The following ZMYND8 variants were observed in gnomAD, a reference collection of about 807,000 sequenced individuals.
ZMYND8 encodes MYND-type zinc finger-containing chromatin reader ZMYND8.
ZMYND8 carries 37 observed loss-of-function variants against 140.8 expected under a neutral mutation model. The observed-to-expected ratio is 0.26, with a 90% CI of 0.20 to 0.35. The LOEUF is 0.35. Ranked by LOEUF, ZMYND8 falls within the 10% of genes least tolerant of loss-of-function variation. The pLI, the probability that ZMYND8 is intolerant of heterozygous loss-of-function variation, is 1.00. For synonymous variants in ZMYND8, 592 were observed against 597.1 expected (o/e 0.99, Z 0.12); for missense variants, 1,068 against 1,570.0 (o/e 0.68, Z 5.40).
At chr20:47,254,471 G>A (rs927483842) in intron 12 of ZMYND8, among the ~76,000 whole-genome samples, 2 of 152,166 alleles carry the variant, frequency 1.3e-5, no homozygotes, top group Non-Finnish European at 1.5e-5. Flanking sequence ...TAAGTAAGGC[G>A]CCTGAATAAA....
intron 2 of ZMYND8, among the ~76,000 whole-genome samples, chr20:47,324,323 C>A (rs919572352): frequency 6.6e-6 from 1 of 151,902 alleles, no homozygotes; most frequent in African/African-American, 2.4e-5. Flanking sequence ...TCGAGACCAG[C>A]CAGGCCAACA....
intron 1 of ZMYND8, chr20:47,348,240 C>T (rs2082492298): frequency 2.7e-6 from 1 of 368,352 alleles, no homozygotes; most frequent in East Asian, 6.5e-5. Flanking sequence ...AGAACCCAGC[C>T]TTCAAATAAA....
intron 7 of ZMYND8, among the ~76,000 whole-genome samples, chr20:47,289,516 C>T (rs1054156428): frequency 6.6e-6 from 1 of 151,932 alleles, no homozygotes; most frequent in Non-Finnish European, 1.5e-5. Flanking sequence ...AGCAGGTTCA[C>T]AGCAGCTTAT....
intron 11 of ZMYND8, among the ~76,000 whole-genome samples, chr20:47,274,167 C>G (rs1310430609): frequency 6.6e-6 from 1 of 152,196 alleles, no homozygotes; most frequent in Non-Finnish European, 1.5e-5. Flanking sequence ...TATCCCTGTT[C>G]TTATATTCCT....
At position 47,220,325 on chromosome 20, in the gene ZMYND8, C is replaced by T. The variant is rs754254820; in HGVS notation, c.3418-1G>A. On this transcript the variant is annotated splice_acceptor_variant, in intron 20 of 22. Transcript: ENST00000471951. LOFTEE classifies it high-confidence loss of function. The stretch of plus-strand genomic sequence containing the variant: ...CTCTGGAGCCAGAAAGGTCAAGGGT[C>T]TAGAAATACAAAAAGAAAAAGATGG... 6.4e-7 allele frequency: 1 copy of T among 1,556,368 alleles called. No individual in the cohort carries two copies. The highest frequency in any genetic ancestry group is 8.7e-7 in the Non-Finnish European group (1 of 1,149,304).
At chr20:47,263,130 A>C (rs2075275008) in intron 11 of ZMYND8, among the ~76,000 whole-genome samples, 1 of 152,190 alleles carries the variant, frequency 6.6e-6, no homozygotes, top group Admixed American at 6.5e-5. Context: ...TAAACCACTT[A>C]CGTTTAAAAA....
At chr20:47,316,794 C>CAAATA (rs1556339135) in intron 2 of ZMYND8, among the ~76,000 whole-genome samples, 1 of 101,218 alleles carries the variant, frequency 9.9e-6, no homozygotes, top group Non-Finnish European at 2.1e-5. Context: ...GACTCGCTCT[C>CAAATA]AAAAAAAAAA....
intron 20 of ZMYND8, among the ~76,000 whole-genome samples, 200 bp downstream of exon 20, chr20:47,221,112 CAG>C (rs1416042801): frequency 6.6e-6 from 1 of 152,146 alleles, no homozygotes; most frequent in African/African-American, 2.4e-5. Context: ...GGGTCCCCAG[CAG>C]AGAGTACTGG....
rs2078808299 is a variant in ZMYND8, at chr20:47,310,066, T to C, written c.224A>G (p.Asn75Ser). The C allele has an allele frequency of 6.8e-6, 11 of 1,614,254 alleles. No homozygotes were observed. Among genetic ancestry groups the C allele is most frequent in the East Asian group, 2.2e-5 (1 of 44,884 alleles). ...CAGCGGCTGCTTTACCTGCTCCTTA[T>C]TGTTACTGTTCAGTAAGCCAGGTTT... ...KKKPGLLNSN[N>S]KEQSELRHGP... Residue 75 changes from asparagine (N) to serine (S), a missense_variant, in exon 3 of 23, where the codon AAT becomes AGT. Physicochemically the swap from Asn to Ser is conservative, Grantham distance 46 (BLOSUM62 1). This residue lies in a region of ZMYND8 where 109 missense variants were observed against 314.9 expected (regional missense o/e 0.35). Transcript: ENST00000471951.
chr20:47,242,609 G>A (rs775565794), intron 14 of ZMYND8, among the ~76,000 whole-genome samples: 19 of 152,158 alleles, frequency 1.2e-4, no homozygotes, highest in African/African-American at 1.9e-4. Context: ...AAGGGCAACC[G>A]CAAAATGGTC....
intron 21 of ZMYND8, among the ~76,000 whole-genome samples, chr20:47,219,906 G>A (rs77285014): frequency 0.027 from 4,129 of 151,938 alleles, 186 homozygotes; most frequent in African/African-American, 0.094. Context: ...CTTACACAGT[G>A]TCATTTACCG....
At chr20:47,301,585 C>T (rs1345099178) in intron 3 of ZMYND8, among the ~76,000 whole-genome samples, 1 of 151,938 alleles carries the variant, frequency 6.6e-6, no homozygotes, top group Non-Finnish European at 1.5e-5. Context: ...CCATTGCACA[C>T]ACCATCTTCA....
chr20:47,324,549 GAT>G (rs532529014), intron 2 of ZMYND8, among the ~76,000 whole-genome samples: 64 of 152,086 alleles, frequency 4.2e-4, no homozygotes, highest in Middle Eastern at 3.4e-3. Flanking sequence ...ACCTCAATAA[GAT>G]AGTGCACTCC....
intron 2 of ZMYND8, among the ~76,000 whole-genome samples, chr20:47,335,594 G>C (rs1033638596): frequency 8.5e-5 from 13 of 152,198 alleles, no homozygotes; most frequent in Non-Finnish European, 1.3e-4. Context: ...CAGGCATTTA[G>C]AGAGGAAAAA....
intron 1 of ZMYND8, among the ~76,000 whole-genome samples, chr20:47,354,987 G>C (rs1197355591): frequency 1.3e-5 from 2 of 152,012 alleles, no homozygotes; most frequent in Non-Finnish European, 2.9e-5. Context: ...ATGAGATTTT[G>C]CACTATACAT....
chr20:47,318,928 G>A (rs766069619), intron 2 of ZMYND8: 1 of 1,346,720 alleles, frequency 7.4e-7, no homozygotes, highest in Non-Finnish European at 9.8e-7. Context: ...GAGGGGCAGG[G>A]AACGCCAAGA....
chr20:47,315,601 G>A (rs558865812), intron 2 of ZMYND8, among the ~76,000 whole-genome samples: 4 of 152,246 alleles, frequency 2.6e-5, no homozygotes, highest in African/African-American at 9.6e-5. Flanking sequence ...GACTGTAGCC[G>A]TGGTACCCAG....
At chr20:47,228,936 A>C (rs563493783) in intron 17 of ZMYND8, among the ~76,000 whole-genome samples, 1 of 152,282 alleles carries the variant, frequency 6.6e-6, no homozygotes, top group East Asian at 1.9e-4. Flanking sequence ...ATTAGCCTAA[A>C]GGGGAAGTTC....
chr20:47,296,013 C>T (rs755549194), intron 4 of ZMYND8, among the ~76,000 whole-genome samples: 4 of 152,022 alleles, frequency 2.6e-5, no homozygotes, highest in Admixed American at 6.6e-5. Context: ...AGGAAAAGGC[C>T]AACACAAGAG....
Sources: gnomAD v4.1 joint callset for allele counts (sites outside exome capture counted in the v4.1 genomes callset) on GRCh38, gnomAD v4.1.1 for gene constraint, gnomAD v4.1.1 regional missense constraint, MANE v1.5 for transcripts, NCBI Gene and HGNC (gene_info 2026-07-23, HGNC 2026-07-21) for gene names.